The following EGFLAM variants were observed in gnomAD, a reference collection of about 807,000 sequenced individuals.
EGFLAM encodes pikachurin.
A neutral mutation model predicts 113.1 loss-of-function variants in EGFLAM; 79 were observed. That is an observed-to-expected ratio of 0.70 (90% CI 0.58 to 0.84). EGFLAM has a LOEUF of 0.84. EGFLAM is among the 40% of genes least tolerant of loss of function. The pLI, the probability that EGFLAM is intolerant of heterozygous loss-of-function variation, is 0.00. For missense variants in EGFLAM, 1,265 were observed against 1,291.6 expected (o/e 0.98, Z 0.32); for synonymous variants, 504 against 487.6 (o/e 1.03, Z -0.44).
intron 1 of EGFLAM, among the ~76,000 whole-genome samples, chr5:38,316,258 C>G (rs11948236): frequency 0.12 from 17,567 of 152,000 alleles, 1,086 homozygotes; most frequent in South Asian, 0.18. Context: ...CTCTAGGATT[C>G]TGATTGAACA....
At chr5:38,374,820 A>G (rs1265491442) in intron 6 of EGFLAM, among the ~76,000 whole-genome samples, 1 of 152,252 alleles carries the variant, frequency 6.6e-6, no homozygotes, top group Non-Finnish European at 1.5e-5. Context: ...AGGAATGAAT[A>G]AAGACAGCTT....
At chr5:38,359,261 A>C (rs944550269) in intron 5 of EGFLAM, among the ~76,000 whole-genome samples, 3 of 152,192 alleles carry the variant, frequency 2.0e-5, no homozygotes, top group African/African-American at 7.2e-5. Flanking sequence ...AATAGTTTTC[A>C]TTTAACTTAC....
chr5:38,315,749 T>C (rs1738576773), intron 1 of EGFLAM, among the ~76,000 whole-genome samples: 3 of 152,168 alleles, frequency 2.0e-5, no homozygotes, highest in Admixed American at 2.0e-4. Flanking sequence ...AATGGGCTTC[T>C]TGTGAAGTTT....
chr5:38,354,375 T>G (rs1024818049), intron 5 of EGFLAM, among the ~76,000 whole-genome samples: 1 of 152,168 alleles, frequency 6.6e-6, no homozygotes. Flanking sequence ...ATAATTTACT[T>G]CCACAGATAC....
intron 5 of EGFLAM, among the ~76,000 whole-genome samples, chr5:38,367,600 T>C (rs565031449): frequency 1.3e-5 from 2 of 152,256 alleles, no homozygotes; most frequent in East Asian, 3.9e-4. Flanking sequence ...CTCAGTCAAC[T>C]TCTCACCCTC....
Position 38,427,284 on chromosome 5 carries a change from C to T in EGFLAM, c.2054+32C>T, listed in dbSNP as rs199822736. On this transcript the variant is annotated intron_variant, in intron 14 of 21. Coordinates refer to ENST00000322350, the MANE Select transcript of EGFLAM (RefSeq NM_152403.4). Reference sequence around the variant, plus strand: ...GCTGAAAACTTCTGGGACTCTTTCCCTTAAAAAGGCAAATAGTAACTGCTT... The same window carrying T: ...GCTGAAAACTTCTGGGACTCTTTCCTTTAAAAAGGCAAATAGTAACTGCTT... 215 of 1,602,842 alleles carry T rather than the reference C, an allele frequency of 1.3e-4. 1 individual carries two copies. In the African/African-American group the frequency reaches 2.4e-3, roughly 18 times the overall value.
At chr5:38,443,094 C>T (rs1372773190) in intron 17 of EGFLAM, among the ~76,000 whole-genome samples, 2 of 151,862 alleles carry the variant, frequency 1.3e-5, no homozygotes, top group East Asian at 1.9e-4. Flanking sequence ...GGTGAAACCC[C>T]ATCTCTACTA....
At chr5:38,371,492 C>T (rs1438590187) in intron 6 of EGFLAM, among the ~76,000 whole-genome samples, 1 of 152,164 alleles carries the variant, frequency 6.6e-6, no homozygotes, top group African/African-American at 2.4e-5. Context: ...TTCCCCAAAT[C>T]TGAGGAATTT....
intron 3 of EGFLAM, among the ~76,000 whole-genome samples, chr5:38,339,103 TA>T (rs1489767950): frequency 6.6e-6 from 1 of 152,236 alleles, no homozygotes; most frequent in Non-Finnish European, 1.5e-5. Flanking sequence ...CTGTTTTTTT[TA>T]ATCCCAATAA....
At chr5:38,356,133 A>C (rs1255049264) in intron 5 of EGFLAM, among the ~76,000 whole-genome samples, 1 of 152,212 alleles carries the variant, frequency 6.6e-6, no homozygotes, top group African/African-American at 2.4e-5. Context: ...ACCTTGACAA[A>C]ATACCTTCAC....
intron 12 of EGFLAM, among the ~76,000 whole-genome samples, chr5:38,419,094 C>G (rs988942702): frequency 6.6e-6 from 1 of 152,162 alleles, no homozygotes; most frequent in Non-Finnish European, 1.5e-5. Context: ...CTCGTGGGAT[C>G]TTTCCTCCAT....
intron 14 of EGFLAM, among the ~76,000 whole-genome samples, chr5:38,429,374 A>G (rs892513781): frequency 6.6e-6 from 1 of 152,344 alleles, no homozygotes; most frequent in Admixed American, 6.5e-5. Context: ...TCACAAAATC[A>G]TTTGCCAAAG....
At chr5:38,417,347 C>CAAAAAAAAAA (rs752613827) in intron 11 of EGFLAM, among the ~76,000 whole-genome samples, 7 of 78,468 alleles carry the variant, frequency 8.9e-5, no homozygotes, top group Admixed American at 1.9e-4. Context: ...GACTCTGTCT[C>CAAAAAAAAAA]AAAAAAAAAA....
intron 1 of EGFLAM, among the ~76,000 whole-genome samples, chr5:38,278,490 ATT>A (rs536338176): frequency 1.4e-5 from 2 of 145,048 alleles, no homozygotes; most frequent in Admixed American, 6.9e-5. Flanking sequence ...CTGGTCAATG[ATT>A]TTTTTTTTTT....
chr5:38,441,642 TG>T (rs1742538723), intron 17 of EGFLAM, among the ~76,000 whole-genome samples: 1 of 147,660 alleles, frequency 6.8e-6, no homozygotes, highest in Non-Finnish European at 1.5e-5. Flanking sequence ...GTACACGAAA[TG>T]GGAGGAGGCT....
intron 14 of EGFLAM, 177 bp downstream of exon 14, chr5:38,427,429 G>C (rs1203286335): frequency 3.8e-6 from 4 of 1,040,338 alleles, no homozygotes; most frequent in African/African-American, 3.2e-5. Flanking sequence ...TTCCTATAGA[G>C]AGTGCTCTCC....
At chr5:38,409,535 C>T (rs544396252) in intron 10 of EGFLAM, among the ~76,000 whole-genome samples, 1 of 152,186 alleles carries the variant, frequency 6.6e-6, no homozygotes, top group Non-Finnish European at 1.5e-5. Context: ...TTGGATGTAA[C>T]TGGTGCTGTA....
chr5:38,394,051 C>T (rs1040367259), intron 6 of EGFLAM, among the ~76,000 whole-genome samples: 1 of 152,082 alleles, frequency 6.6e-6, no homozygotes, highest in African/African-American at 2.4e-5. Context: ...TCTCCGAAGC[C>T]GCACCGTCTG....
At chr5:38,353,281 A>G (rs1426727793) in intron 5 of EGFLAM, among the ~76,000 whole-genome samples, 1 of 152,248 alleles carries the variant, frequency 6.6e-6, no homozygotes, top group African/African-American at 2.4e-5. Flanking sequence ...CCAATCTAAG[A>G]TATTTCCTCT....
Sources: allele counts gnomAD v4.1 joint callset (sites outside exome capture counted in the v4.1 genomes callset), GRCh38; gene constraint gnomAD v4.1.1; transcripts MANE v1.5; gene names NCBI Gene and HGNC (gene_info 2026-07-23, HGNC 2026-07-21).